The following NAV2 variants were observed in gnomAD, a reference collection of about 807,000 sequenced individuals.
NAV2 encodes neuron navigator 2, also known as helicase, APC down-regulated 1.
Under a neutral mutation model 223.2 loss-of-function variants are expected in NAV2, and 54 were observed. The ratio of observed to expected loss-of-function variants is 0.24; its 90% CI spans 0.19 to 0.30. The LOEUF (loss-of-function observed/expected upper bound fraction) is 0.30, where lower values mean the gene tolerates loss of function less well. Ranked by LOEUF, NAV2 falls within the 10% of genes least tolerant of loss-of-function variation. NAV2 has a pLI of 1.00. For synonymous variants in NAV2, 1,279 were observed against 1,239.3 expected (o/e 1.03, Z -0.67); for missense variants, 2,806 against 3,147.5 (o/e 0.89, Z 2.60).
intron 1 of NAV2, among the ~76,000 whole-genome samples, chr11:19,721,838 A>G (rs1343236606): frequency 6.6e-6 from 1 of 152,244 alleles, no homozygotes; most frequent in Admixed American, 6.5e-5. Flanking sequence ...GAAGGGAAGT[A>G]TCTTGATGTC....
At chr11:19,679,871 T>A (rs1966533) in intron 1 of NAV2, among the ~76,000 whole-genome samples, 141,119 of 152,262 alleles carry the variant, frequency 0.93, 66,370 homozygotes, top group East Asian at 1. Flanking sequence ...TGTGTGCTCC[T>A]TAAATACCTG....
rs1035618964 is a variant in NAV2, at chr11:20,056,031, C to G, written c.4831+74C>G. ...GTTACTCAGTGTAGTTAAGGGTCCT[C>G]TATGCTAAGTTCACTTCCTTAACCT... is the stretch of plus-strand genomic sequence containing the variant. On this transcript the variant is annotated intron_variant, in intron 19 of 37. Coordinates refer to ENST00000349880, the MANE Select transcript of NAV2 (RefSeq NM_145117.5). 3.6e-5 allele frequency: 50 copies of G among 1,402,242 alleles called. No individual in the cohort carries two copies. In the African/African-American group the frequency reaches 5.7e-4, roughly 16 times the overall value. The allele number at this position is 1,402,242 out of a possible 1,614,324, so 86.9% of individuals were successfully genotyped here. A position where few individuals can be genotyped will look rare whatever the true frequency, so the allele number is the denominator to read the frequency against.
intron 1 of NAV2, among the ~76,000 whole-genome samples, chr11:19,643,139 A>G (rs1309803619): frequency 6.6e-6 from 1 of 152,162 alleles, no homozygotes; most frequent in Non-Finnish European, 1.5e-5. Context: ...TACATGCCAC[A>G]GGATGGATGT....
intron 1 of NAV2, among the ~76,000 whole-genome samples, chr11:19,759,274 G>C (rs1375382390): frequency 1.3e-5 from 2 of 151,828 alleles, no homozygotes; most frequent in Admixed American, 6.6e-5. Flanking sequence ...TAGTAGAGAC[G>C]GGGTTTCACC....
rs1246387934 is a variant in NAV2 at position 19,540,282 on chromosome 11, T to C, written c.75+189255T>C. Among the ~76,000 whole-genome samples the C allele has an allele frequency of 2.0e-5, 3 of 152,148 alleles. No homozygotes were observed. The East Asian group carries it at 5.8e-4, about 29-fold the overall frequency. On this transcript the variant is annotated intron_variant, in intron 1 of 37. Transcript: ENST00000360655. ...GTCTTCTAGCTCCTCTCCTCCTTGC[T>C]CCTCACTCTTTCTAAAGACAAGCCC... is the stretch of plus-strand genomic sequence containing the variant.
intron 10 of NAV2, among the ~76,000 whole-genome samples, chr11:19,975,896 G>T (rs1227711309): frequency 6.6e-6 from 1 of 152,158 alleles, no homozygotes; most frequent in Non-Finnish European, 1.5e-5. Flanking sequence ...GTGAGATGAG[G>T]TCCCTAGCTT....
chr11:19,755,091 T>C (rs987659130), intron 1 of NAV2, among the ~76,000 whole-genome samples: 3 of 152,214 alleles, frequency 2.0e-5, no homozygotes, highest in Admixed American at 2.0e-4. Flanking sequence ...TCCACTCTTC[T>C]GCAAGAGGTT....
chr11:19,741,501 T>C (rs11025232), intron 1 of NAV2, among the ~76,000 whole-genome samples: 118 of 97,260 alleles, frequency 1.2e-3, no homozygotes, highest in Middle Eastern at 6.8e-3. Context: ...TTCTTTCTTT[T>C]TTTTTTTTTT....
intron 1 of NAV2, among the ~76,000 whole-genome samples, chr11:19,470,516 G>A (rs2041930601): frequency 6.6e-6 from 1 of 152,198 alleles, no homozygotes; most frequent in Non-Finnish European, 1.5e-5. Flanking sequence ...AGGAGAGAGA[G>A]ACTGTGAGCC....
chr11:19,580,445 A>C (rs1041361154), intron 1 of NAV2, among the ~76,000 whole-genome samples: 7 of 152,182 alleles, frequency 4.6e-5, no homozygotes, highest in African/African-American at 1.7e-4. Context: ...AAGGTAGCTC[A>C]AGGCATTACA....
In NAV2 at chr11:20,103,637, T is replaced by G; in HGVS notation, c.6573-16T>G. The G allele has an allele frequency of 6.2e-7, 1 of 1,613,758 alleles. No individual in the cohort carries two copies. Among genetic ancestry groups the G allele is most frequent in the Non-Finnish European group, 8.5e-7 (1 of 1,179,638 alleles). On this transcript the variant is annotated splice_polypyrimidine_tract_variant and intron_variant, in intron 33 of 37. Coordinates refer to ENST00000349880, the MANE Select transcript of NAV2 (RefSeq NM_145117.5). ...GCTTGGAATCACAGCTTTCTTTTCCTTTATTTTATCCGCAGCCCTTACATA... is the reference window on the plus strand; with the variant it reads ...GCTTGGAATCACAGCTTTCTTTTCCGTTATTTTATCCGCAGCCCTTACATA...
intron 10 of NAV2, among the ~76,000 whole-genome samples, chr11:19,975,568 T>C (rs1278784551): frequency 1.3e-5 from 2 of 152,244 alleles, no homozygotes; most frequent in African/African-American, 4.8e-5. Context: ...CTTGGTAGCC[T>C]GTTTCACCAC....
chr11:19,979,045 C>G (rs1189373687), intron 10 of NAV2: 1 of 152,172 alleles, frequency 6.6e-6, no homozygotes, highest in South Asian at 2.1e-4. Flanking sequence ...CCAACCTATT[C>G]TGTAGAGAAA....
intron 6 of NAV2, among the ~76,000 whole-genome samples, chr11:19,919,502 A>G (rs900789141): frequency 2.0e-5 from 3 of 152,210 alleles, no homozygotes; most frequent in Non-Finnish European, 4.4e-5. Flanking sequence ...TGTAGGGCAC[A>G]GGGCCCTGGC....
At chr11:20,074,221 G>C (rs1312504581) in intron 22 of NAV2, among the ~76,000 whole-genome samples, 2 of 152,142 alleles carry the variant, frequency 1.3e-5, no homozygotes, top group Non-Finnish European at 2.9e-5. Flanking sequence ...AGGTTGTTCA[G>C]TTTCCATGTA....
At chr11:19,800,793 G>A (rs1413355431) in intron 1 of NAV2, among the ~76,000 whole-genome samples, 1 of 151,998 alleles carries the variant, frequency 6.6e-6, no homozygotes, top group Non-Finnish European at 1.5e-5. Context: ...TGATTAAAAT[G>A]TGAAGGTGTG....
intron 1 of NAV2, among the ~76,000 whole-genome samples, chr11:19,831,243 T>A (rs887407350): frequency 5.4e-4 from 1 of 1,856 alleles, no homozygotes; most frequent in African/African-American, 2.3e-3. Context: ...GGGGGCGCGA[T>A]GGGGAGTGGG....
intron 1 of NAV2, among the ~76,000 whole-genome samples, chr11:19,625,811 A>T (rs1356944286): frequency 6.6e-6 from 1 of 151,512 alleles, no homozygotes; most frequent in Non-Finnish European, 1.5e-5. Flanking sequence ...GATGTTGAAC[A>T]TTTTTTTTCA....
intron 1 of NAV2, among the ~76,000 whole-genome samples, chr11:19,398,525 A>T (rs542511886): frequency 6.6e-6 from 1 of 152,024 alleles, no homozygotes; most frequent in Non-Finnish European, 1.5e-5. Context: ...TTCAGCCACC[A>T]CAGAGAACCT....
Sources: allele counts gnomAD v4.1 joint callset (sites outside exome capture counted in the v4.1 genomes callset), GRCh38; gene constraint gnomAD v4.1.1; transcripts MANE v1.5; gene names NCBI Gene and HGNC (gene_info 2026-07-23, HGNC 2026-07-21).